The following DSC2 variants were observed in gnomAD, a reference collection of about 807,000 sequenced individuals.
The protein encoded by DSC2 is desmocollin 2, also known as desmocollin-2.
In DSC2, 51 loss-of-function variants were observed where a neutral mutation model predicts 87.6. The ratio of observed to expected loss-of-function variants is 0.58; its 90% confidence interval spans 0.46 to 0.74. The LOEUF (loss-of-function observed/expected upper bound fraction) is 0.74. Ranked by LOEUF, DSC2 falls within the 30% of genes least tolerant of loss-of-function variation. DSC2 has a pLI of 0.00. For missense variants in DSC2, 1,066 were observed against 1,089.5 expected (o/e 0.98, Z 0.30); for synonymous variants, 383 against 393.2 (o/e 0.97, Z 0.31).
At chr18:31,096,114 A>C (rs1194757257) in intron 1 of DSC2, among the ~76,000 whole-genome samples, 1 of 152,172 alleles carries the variant, frequency 6.6e-6, no homozygotes, top group East Asian at 1.9e-4. Flanking sequence ...AAATAAATTA[A>C]ATAAGCAGCT....
intron 1 of DSC2, among the ~76,000 whole-genome samples, chr18:31,098,234 T>G (rs192428541): frequency 1.6e-3 from 241 of 152,354 alleles, no homozygotes; most frequent in Non-Finnish European, 2.7e-3. Context: ...TCCAAATTTA[T>G]ATAACAATTT....
chr18:31,093,593 G>T lies in DSC2; in HGVS notation c.120C>A (p.Pro40=), dbSNP rs773259822. 3.1e-6 allele frequency: 5 copies of T among 1,605,596 alleles called. No homozygotes were observed. The African/African-American group carries it at 5.4e-5, about 17-fold the overall frequency. ...CAAGTTTCTCGGCATCTAGTTTGGA[G>T]GGAACATGTAATGTCACATTTTTGC... The part of the protein sequence containing the change: ...DACKNVTLHV[P]SKLDAEKLVG... The change falls in exon 2 of 16, where the codon CCC becomes CCA. Residue 40 remains proline (P), a synonymous_variant. Coordinates refer to ENST00000280904, the MANE Select transcript of DSC2 (RefSeq NM_024422.6).
At chr18:31,101,505 C>CG (rs71175758) in intron 1 of DSC2, 155,998 of 181,150 alleles carry the variant, frequency 0.86, 68,089 homozygotes, top group African/African-American at 0.92. Context: ...GTGCCAGAGG[C>CG]CAGCTGGACG....
At position 31,070,859 on chromosome 18, in the gene DSC2, A is replaced by G; in HGVS notation, c.2126-9T>C. The G allele has an allele frequency of 5.6e-6, 9 of 1,613,506 alleles. No individual in the cohort carries two copies. Among genetic ancestry groups the G allele is most frequent in the Non-Finnish European group, 7.6e-6 (9 of 1,179,592 alleles). On this transcript the variant is annotated splice_polypyrimidine_tract_variant and intron_variant, in intron 13 of 15. Transcript: ENST00000280904. ...CAGCGTAAACAGGATGCCTGGAGGA[A>G]GAAAGAAATATACTTGAGTTTATCA...
chr18:31,070,878 T>A (rs748354683), intron 13 of DSC2, 28 bp from the exon 14 acceptor site: 6 of 1,611,792 alleles, frequency 3.7e-6, no homozygotes, highest in Non-Finnish European at 3.4e-6. Flanking sequence ...TATACTTGAG[T>A]TTATCATAAA....
At chr18:31,091,221 C>CT in intron 3 of DSC2, 74 bp from the exon 4 acceptor site, 1 of 1,578,136 alleles carries the variant, frequency 6.3e-7, no homozygotes, top group South Asian at 1.1e-5. Context: ...AATGACACAT[C>CT]TTTCTCCTCT....
At chr18:31,070,241 G>C (rs1044511995) in intron 14 of DSC2, among the ~76,000 whole-genome samples, 11 of 152,252 alleles carry the variant, frequency 7.2e-5, no homozygotes, top group Middle Eastern at 6.8e-3. Flanking sequence ...ATGACCACTT[G>C]CTAGCATTGC....
chr18:31,074,556 C>T lies in DSC2; in HGVS notation c.1888+127G>A, dbSNP rs1386696273. 11 of 921,208 alleles carry T rather than the reference C, an allele frequency of 1.2e-5. No individual in the cohort carries two copies. In the East Asian group the frequency reaches 2.9e-4, roughly 24 times the overall value. 57.1% of individuals were successfully genotyped at this position (921,208 alleles called of 1,614,324 possible). On this transcript the variant is annotated intron_variant, in intron 12 of 15. Coordinates refer to ENST00000280904, the MANE Select transcript of DSC2 (RefSeq NM_024422.6). ...ACTAGAGAGACCTACTCCCAACACA[C>T]AAAAACTGAGAAACTTTCATTGGTG...
At position 31,075,831 on chromosome 18, in the gene DSC2, C is replaced by G. The variant is rs564213850; in HGVS notation, c.1664-924G>C. ...CACCATTGCACTCCAGCCTGGACAA[C>G]AAAAGTGAAACTCCATCTCAAAACG... On this transcript the variant is annotated intron_variant, in intron 11 of 15. Transcript: ENST00000280904. Among the ~76,000 whole-genome samples, 9 of 151,664 alleles carry G rather than the reference C, an allele frequency of 5.9e-5. 1 individual carries two copies. Among genetic ancestry groups the G allele is most frequent in the African/African-American group, 1.5e-4 (6 of 41,306 alleles).
At chr18:31,096,991 T>C (rs1987779938) in intron 1 of DSC2, among the ~76,000 whole-genome samples, 1 of 152,102 alleles carries the variant, frequency 6.6e-6, no homozygotes. Flanking sequence ...ATGGTTAGTC[T>C]TCATACCCAT....
intron 9 of DSC2, among the ~76,000 whole-genome samples, chr18:31,080,578 A>T (rs1011898145): frequency 1.3e-5 from 2 of 152,138 alleles, no homozygotes; most frequent in East Asian, 3.8e-4. Context: ...AGGGAAGGTG[A>T]TTGGATCATG....
rs751546275 is a variant in DSC2, at chr18:31,060,067, CATT to C, written c.*7945_*7947del. 3 of 152,164 alleles carry C rather than the reference CATT, an allele frequency of 2.0e-5. No individual in the cohort carries two copies. Among genetic ancestry groups the C allele is most frequent in the African/African-American group, 7.2e-5 (3 of 41,426 alleles). 9.4% of individuals were successfully genotyped at this position (152,164 alleles called of 1,614,324 possible). The stretch of plus-strand genomic sequence containing the variant: ...TCTGACTGCGAAGTCTGTGTGTGAT[CATT>C]GTTTCCATTGTCCTCAATTATGGTA... On this transcript the variant is annotated 3_prime_UTR_variant, in exon 16 of 16. Transcript: ENST00000280904.
At chr18:31,099,499 T>C (rs1481137690) in intron 1 of DSC2, among the ~76,000 whole-genome samples, 1 of 150,962 alleles carries the variant, frequency 6.6e-6, no homozygotes, top group African/African-American at 2.4e-5. Flanking sequence ...TCTCATGTTA[T>C]GTCATTTTTA....
chr18:31,068,194 G>C lies in DSC2; in HGVS notation c.2527C>G (p.Gln843Glu). ...TGGGCATGCTTGTGATTTTCATCTT[G>C]ATTACACAGATACACTTTCTGCCAA... Reference protein sequence around the residue: ...RLGEKVYLCNQDENHKHAQDY... With the variant: ...RLGEKVYLCNEDENHKHAQDY... The change falls in exon 16 of 16, where the codon CAA (glutamine) becomes GAA (glutamate). Residue 843 changes from glutamine to glutamate, a missense_variant. Transcript: ENST00000280904. 1 of 1,613,914 alleles carries C rather than the reference G, an allele frequency of 6.2e-7. No homozygotes were observed. Among genetic ancestry groups the C allele is most frequent in the Non-Finnish European group, 8.5e-7 (1 of 1,179,954 alleles).
Position 31,064,628 on chromosome 18 carries a change from T to C in DSC2, c.*3387A>G, listed in dbSNP as rs1986570618. ...GTATGTGTTTGTCTTTTTGCATGAG[T>C]TTGAAGTGCTAGGTTAACAGGGGGC... On this transcript the variant is annotated 3_prime_UTR_variant, in exon 16 of 16. Coordinates refer to ENST00000280904, the MANE Select transcript of DSC2 (RefSeq NM_024422.6). 1 of 152,030 alleles carries C rather than the reference T, an allele frequency of 6.6e-6. No homozygotes were observed. The highest frequency in any genetic ancestry group is 6.6e-5 in the Admixed American group (1 of 15,216). 9.4% of individuals were successfully genotyped at this position (152,030 alleles called of 1,614,324 possible).
intron 3 of DSC2, among the ~76,000 whole-genome samples, chr18:31,091,753 C>T (rs1204876580): frequency 6.6e-6 from 1 of 152,018 alleles, no homozygotes; most frequent in Non-Finnish European, 1.5e-5. Context: ...AAAATGAATG[C>T]GAGAAAAAAG....
intron 6 of DSC2, 27 bp downstream of exon 6, chr18:31,087,642 C>T: frequency 1.2e-6 from 2 of 1,603,708 alleles, no homozygotes; most frequent in Non-Finnish European, 1.7e-6. Flanking sequence ...AGTTAATTTG[C>T]CATATATTGT....
chr18:31,083,179 C>A, intron 7 of DSC2, 119 bp from the exon 8 acceptor site: 1 of 1,145,078 alleles, frequency 8.7e-7, no homozygotes, highest in South Asian at 1.5e-5. Context: ...TATTACATTT[C>A]ACAGCATTCG....
Position 31,069,045 on chromosome 18 carries a change from A to G in DSC2, c.2357T>C (p.Met786Thr), listed in dbSNP as rs397517398. The part of the protein sequence containing the change: ...IKNGGQETIE[M>T]VKGGHQTSES... ...CGAGGTCTGGTGTCCTCCTTTCACC[A>G]TTTCGATGGTCTCCTGACCTCCGTT... Residue 786 changes from methionine to threonine, a missense_variant, in exon 15 of 16, where the codon ATG (methionine) becomes ACG (threonine). Coordinates refer to ENST00000280904, the MANE Select transcript of DSC2 (RefSeq NM_024422.6). 28 of 1,613,872 alleles carry G rather than the reference A, an allele frequency of 1.7e-5. No homozygotes were observed. The South Asian group carries it at 2.6e-4, about 15-fold the overall frequency.
Sources: allele counts gnomAD v4.1 joint callset (sites outside exome capture counted in the v4.1 genomes callset), GRCh38; gene constraint gnomAD v4.1.1; transcripts MANE v1.5; gene names NCBI Gene and HGNC (gene_info 2026-07-23, HGNC 2026-07-21).